PIK3C2B: variants seen among roughly 807,000 people sequenced by gnomAD.
PIK3C2B encodes phosphatidylinositol-4-phosphate 3-kinase catalytic subunit type 2 beta.
A neutral mutation model predicts 184.3 loss-of-function variants in PIK3C2B; 83 were observed. The ratio of observed to expected loss-of-function variants is 0.45; its 90% CI spans 0.38 to 0.54. The LOEUF is 0.54. PIK3C2B is among the 20% of genes least tolerant of loss of function. PIK3C2B has a pLI of 0.00. For missense variants in PIK3C2B, 1,736 were observed against 2,113.5 expected (o/e 0.82, Z 3.50); for synonymous variants, 779 against 837.6 (o/e 0.93, Z 1.21).
chr1:204,465,563 G>A (rs1257712961), intron 2 of PIK3C2B, among the ~76,000 whole-genome samples: 3 of 152,222 alleles, frequency 2.0e-5, no homozygotes, highest in African/African-American at 4.8e-5. Context: ...TGTGGCCAAA[G>A]CCACTTCAGG....
intron 21 of PIK3C2B, 34 bp downstream of exon 21, chr1:204,441,437 C>T: frequency 6.9e-7 from 1 of 1,456,026 alleles, no homozygotes; most frequent in Non-Finnish European, 9.6e-7. Context: ...TCTCTCCCAC[C>T]CTGGTCCACC....
At chr1:204,456,902 A>ACACC (rs1558257215) in intron 10 of PIK3C2B, 135 bp downstream of exon 10, 2 of 363,020 alleles carry the variant, frequency 5.5e-6, no homozygotes, top group East Asian at 5.0e-5. Context: ...ACACACACAC[A>ACACC]CACACCCACA....
At chr1:204,457,218 T>A (rs1654946989) in intron 9 of PIK3C2B, 148 bp from the exon 10 acceptor site, 4 of 674,360 alleles carry the variant, frequency 5.9e-6, no homozygotes, top group Non-Finnish European at 1.0e-5. Flanking sequence ...GAGAGAGTAA[T>A]GGTTTGTACC....
At chr1:204,431,878 T>C in intron 27 of PIK3C2B, 85 bp from the exon 28 acceptor site, 1 of 1,493,190 alleles carries the variant, frequency 6.7e-7, no homozygotes. Context: ...AGTGTATGTA[T>C]GTGCTGAGGG....
chr1:204,434,751 A>G, intron 23 of PIK3C2B, 143 bp from the exon 24 acceptor site: 1 of 612,558 alleles, frequency 1.6e-6, no homozygotes, highest in Non-Finnish European at 2.9e-6. Context: ...CTGCCTGTTC[A>G]TCCTTCATCA....
At chr1:204,448,495 G>C (rs776126571) in intron 14 of PIK3C2B, among the ~76,000 whole-genome samples, 1 of 152,014 alleles carries the variant, frequency 6.6e-6, no homozygotes, top group African/African-American at 2.4e-5. Flanking sequence ...AAAATTAGCC[G>C]GGCGTGGTGG....
rs1656940465 is a variant in PIK3C2B at position 204,479,175 on chromosome 1, A to G, written c.-84-9289T>C. On this transcript the variant is annotated intron_variant, in intron 1 of 32. Coordinates refer to ENST00000684373, the MANE Select transcript of PIK3C2B (RefSeq NM_001377334.1). Reference sequence around the variant, plus strand: ...GCAAAGAAGGAAGAAAAGCTTTGGCAGTACGTGTATTTCTAACCCAGGAAT... The same window carrying G: ...GCAAAGAAGGAAGAAAAGCTTTGGCGGTACGTGTATTTCTAACCCAGGAAT... Among the ~76,000 whole-genome samples, 12 of 152,330 alleles carry G rather than the reference A, an allele frequency of 7.9e-5. No individual in the cohort carries two copies. In the South Asian group the frequency reaches 2.5e-3, roughly 32 times the overall value.
At chr1:204,492,463 C>T (rs1658069364) in intron 1 of PIK3C2B, among the ~76,000 whole-genome samples, 1 of 152,164 alleles carries the variant, frequency 6.6e-6, no homozygotes, top group Non-Finnish European at 1.5e-5. Flanking sequence ...ACAGAGACCT[C>T]ATTTTTCTAC....
rs939026928 is a variant in PIK3C2B, at chr1:204,484,550, T to C, written c.-85+9806A>G. Among the ~76,000 whole-genome samples the C allele has an allele frequency of 6.6e-5, 10 of 151,994 alleles. No individual in the cohort carries two copies. In the East Asian group the frequency reaches 7.7e-4, roughly 12 times the overall value. ...GAGATCGAGACCATCCTGGCCAACA[T>C]AGTGAAAGCCCGTCCCTACTAAAAA... On this transcript the variant is annotated intron_variant, in intron 1 of 32. Coordinates refer to ENST00000684373, the MANE Select transcript of PIK3C2B (RefSeq NM_001377334.1).
chr1:204,481,002 C>G (rs561337474), intron 1 of PIK3C2B, among the ~76,000 whole-genome samples: 1 of 152,204 alleles, frequency 6.6e-6, no homozygotes, highest in South Asian at 2.1e-4. Flanking sequence ...TACAGTCACT[C>G]TTGGGGGCCT....
intron 1 of PIK3C2B, among the ~76,000 whole-genome samples, chr1:204,486,411 A>G (rs1462554038): frequency 2.9e-5 from 4 of 137,664 alleles, no homozygotes; most frequent in Admixed American, 7.4e-5. Context: ...AAAAAAAAAA[A>G]GAAAACAAAA....
chr1:204,472,890 GC>G (rs1404754013), intron 1 of PIK3C2B, among the ~76,000 whole-genome samples: 1 of 152,188 alleles, frequency 6.6e-6, no homozygotes, highest in African/African-American at 2.4e-5. Flanking sequence ...CTAATGTGTA[GC>G]CCAACCTCAG....
intron 7 of PIK3C2B, 97 bp from the exon 8 acceptor site, chr1:204,460,038 T>C: frequency 1.0e-6 from 1 of 959,026 alleles, no homozygotes; most frequent in Non-Finnish European, 1.7e-6. Flanking sequence ...CAGCTCACAC[T>C]CTGATTTAAA....
intron 2 of PIK3C2B, chr1:204,467,176 A>G (rs546309015): frequency 5.9e-5 from 19 of 320,884 alleles, no homozygotes; most frequent in South Asian, 2.7e-4. Context: ...CAGGAGAGAG[A>G]AGGAGTGACA....
In PIK3C2B at chr1:204,423,231, C is replaced by G. The variant is rs991016723; in HGVS notation, c.*1621G>C. 1.3e-5 allele frequency: 2 copies of G among 152,178 alleles called. No individual in the cohort carries two copies. Among genetic ancestry groups the G allele is most frequent in the African/African-American group, 4.8e-5 (2 of 41,396 alleles). The allele number at this position is 152,178 out of a possible 1,614,324, so 9.4% of individuals were successfully genotyped here. The stretch of plus-strand genomic sequence containing the variant: ...TTGGGAGGCCAAGGCAGGCAGATCA[C>G]GAGGTCAAGAGATCGAGACCATCCT... On this transcript the variant is annotated 3_prime_UTR_variant, in exon 33 of 33. Transcript: ENST00000684373.
At chr1:204,444,986 G>T (rs1159019722) in intron 16 of PIK3C2B, among the ~76,000 whole-genome samples, 2 of 152,138 alleles carry the variant, frequency 1.3e-5, no homozygotes, top group Non-Finnish European at 2.9e-5. Context: ...AAATAAGCAG[G>T]AAATCCTGGG....
At chr1:204,493,524 AACACACACACACACACAC>A (rs3038310) in intron 1 of PIK3C2B, among the ~76,000 whole-genome samples, 1 of 143,900 alleles carries the variant, frequency 6.9e-6, no homozygotes, top group African/African-American at 2.6e-5. Flanking sequence ...AATGGCAGAA[AACACACACACACACACAC>A]ACACACACAC....
At chr1:204,458,639 G>A (rs759481049) in intron 8 of PIK3C2B, among the ~76,000 whole-genome samples, 6 of 151,860 alleles carry the variant, frequency 4.0e-5, no homozygotes, top group African/African-American at 1.5e-4. Flanking sequence ...GATTACAGGC[G>A]CCTGCAACCA....
chr1:204,439,118 G>T, intron 22 of PIK3C2B, 47 bp from the exon 23 acceptor site: 1 of 1,597,294 alleles, frequency 6.3e-7, no homozygotes, highest in South Asian at 1.1e-5. Flanking sequence ...GAATGAAGGG[G>T]ACTGCAGGGA....
Sources: gnomAD v4.1 joint callset for allele counts (sites outside exome capture counted in the v4.1 genomes callset) on GRCh38, gnomAD v4.1.1 for gene constraint, MANE v1.5 for transcripts, NCBI Gene and HGNC (gene_info 2026-07-23, HGNC 2026-07-21) for gene names.